Variants in CHODL observed in about 807,000 individuals in gnomAD.
CHODL encodes the protein transmembrane protein MT75.
A neutral mutation model predicts 34.5 loss-of-function variants in CHODL; 29 were observed. The observed-to-expected ratio is 0.84, with a 90% CI of 0.63 to 1.15. The LOEUF is 1.15. Among genes scored for constraint, CHODL ranks in the 50% most tolerant of loss-of-function variants. CHODL has a pLI of 0.00. For missense variants in CHODL, 332 were observed against 332.5 expected (o/e 1.00, Z 0.01); for synonymous variants, 125 against 116.1 (o/e 1.08, Z -0.49).
chr21:18,176,387 A>G (rs913604679), intron 2 of CHODL, among the ~76,000 whole-genome samples: 1 of 152,206 alleles, frequency 6.6e-6, no homozygotes, highest in East Asian at 1.9e-4. Context: ...GTAAGATTTC[A>G]TGTTCATTGT....
intron 2 of CHODL, among the ~76,000 whole-genome samples, chr21:18,220,275 A>T (rs1368252822): frequency 6.6e-6 from 1 of 152,108 alleles, no homozygotes; most frequent in Non-Finnish European, 1.5e-5. Flanking sequence ...TTTTAAGTCC[A>T]TTCAGCCAGT....
intron 2 of CHODL, among the ~76,000 whole-genome samples, chr21:18,180,686 G>A (rs974737217): frequency 2.0e-5 from 3 of 152,158 alleles, no homozygotes; most frequent in Admixed American, 2.0e-4. Context: ...AATAAATACT[G>A]GAGCAAATTC....
intron 1 of CHODL, among the ~76,000 whole-genome samples, chr21:17,965,751 A>G (rs1440729116): frequency 6.6e-6 from 1 of 152,136 alleles, no homozygotes; most frequent in East Asian, 1.9e-4. Flanking sequence ...TAACACAATA[A>G]AAGTTAGTAA....
chr21:18,041,575 G>T (rs62213039), intron 2 of CHODL, among the ~76,000 whole-genome samples: 4,964 of 151,826 alleles, frequency 0.033, 116 homozygotes, highest in Non-Finnish European at 0.051. Flanking sequence ...TGCATTTTGT[G>T]ATCGAAAAAG....
At chr21:17,939,841 G>A (rs969821147) in intron 1 of CHODL, among the ~76,000 whole-genome samples, 10 of 152,078 alleles carry the variant, frequency 6.6e-5, no homozygotes, top group East Asian at 3.8e-4. Context: ...GTAGAATTCC[G>A]GAACCCACTC....
intron 2 of CHODL, among the ~76,000 whole-genome samples, chr21:18,028,287 C>CTTCT (rs2064205418): frequency 8.0e-6 from 1 of 125,258 alleles, no homozygotes; most frequent in Admixed American, 1.0e-4. Flanking sequence ...CCCTTCCTTC[C>CTTCT]TTCCTTCCTT....
intron 2 of CHODL, among the ~76,000 whole-genome samples, chr21:18,042,094 T>A (rs1045167263): frequency 5.9e-5 from 9 of 151,930 alleles, no homozygotes; most frequent in Non-Finnish European, 1.3e-4. Flanking sequence ...GAAAGTATAC[T>A]CTTCAATATC....
intron 2 of CHODL, among the ~76,000 whole-genome samples, chr21:18,217,901 C>A (rs1417717764): frequency 1.3e-5 from 2 of 152,194 alleles, no homozygotes; most frequent in African/African-American, 4.8e-5. Flanking sequence ...CATCATAAAG[C>A]TCCAAAATTA....
intron 1 of CHODL, among the ~76,000 whole-genome samples, chr21:17,944,877 G>A (rs1411532782): frequency 6.6e-6 from 1 of 152,150 alleles, no homozygotes; most frequent in East Asian, 1.9e-4. Context: ...ACAACATAAG[G>A]GAACAAATAT....
At position 18,200,569 on chromosome 21, in the gene CHODL, G is replaced by A. The variant is rs151046919; in HGVS notation, c.-44-55940G>A. 5.3e-5 allele frequency among the ~76,000 whole-genome samples: 8 copies of A among 152,220 alleles called. No homozygotes were observed. The East Asian group carries it at 1.5e-3, about 29-fold the overall frequency. ...AATATCTCCTATCTCATTTCTCACA[G>A]ATTGCATACATTTGATACATTTCAC... On this transcript the variant is annotated intron_variant, in intron 2 of 6. Transcript: ENST00000400127.
chr21:18,248,691 ATAC>A (rs2074180634), intron 1 of CHODL, among the ~76,000 whole-genome samples: 2 of 122,184 alleles, frequency 1.6e-5, no homozygotes, highest in African/African-American at 6.8e-5. Context: ...TATATATTAT[ATAC>A]ATATATATGT....
At chr21:18,030,449 A>G (rs1014039067) in intron 2 of CHODL, among the ~76,000 whole-genome samples, 1 of 152,156 alleles carries the variant, frequency 6.6e-6, no homozygotes, top group African/African-American at 2.4e-5. Context: ...AGAAACACCC[A>G]GCTGAGCCAT....
chr21:17,970,995 G>C (rs2063609813), intron 1 of CHODL, among the ~76,000 whole-genome samples: 1 of 152,052 alleles, frequency 6.6e-6, no homozygotes, highest in African/African-American at 2.4e-5. Context: ...TCGGTTTTCT[G>C]TTGGTGTGTT....
intron 2 of CHODL, among the ~76,000 whole-genome samples, chr21:18,222,053 G>A (rs1218417165): frequency 1.3e-5 from 2 of 152,226 alleles, no homozygotes; most frequent in African/African-American, 4.8e-5. Context: ...TGGACAGACT[G>A]CTCCTCAAGA....
chr21:18,076,944 C>T (rs2064873713), intron 2 of CHODL, among the ~76,000 whole-genome samples: 1 of 152,170 alleles, frequency 6.6e-6, no homozygotes, highest in Non-Finnish European at 1.5e-5. Context: ...AGAACTGCTA[C>T]AAGAATGGGA....
intron 2 of CHODL, among the ~76,000 whole-genome samples, chr21:18,118,846 C>G (rs758231445): frequency 2.6e-5 from 4 of 152,042 alleles, no homozygotes; most frequent in Admixed American, 6.6e-5. Context: ...CTATAGATTT[C>G]TTTTTTTGTT....
intron 1 of CHODL, among the ~76,000 whole-genome samples, chr21:17,951,666 A>T (rs553044441): frequency 4.6e-5 from 7 of 152,238 alleles, no homozygotes; most frequent in Non-Finnish European, 1.0e-4. Flanking sequence ...ATTGAAATCT[A>T]ATTTGGAACT....
At chr21:17,946,703 CT>C (rs1384206496) in intron 1 of CHODL, among the ~76,000 whole-genome samples, 1 of 151,990 alleles carries the variant, frequency 6.6e-6, no homozygotes, top group Non-Finnish European at 1.5e-5. Context: ...TCTATTTTAC[CT>C]GGTACAAGTA....
At chr21:17,929,078 C>T (rs2063250433) in intron 1 of CHODL, among the ~76,000 whole-genome samples, 1 of 152,182 alleles carries the variant, frequency 6.6e-6, no homozygotes, top group Non-Finnish European at 1.5e-5. Context: ...GAAGAAAAGA[C>T]AGCCAACATA....
Sources: allele counts gnomAD v4.1 joint callset (sites outside exome capture counted in the v4.1 genomes callset), GRCh38; gene constraint gnomAD v4.1.1; transcripts MANE v1.5; gene names NCBI Gene and HGNC (gene_info 2026-07-23, HGNC 2026-07-21).